The following TENM3 variants were observed in gnomAD, a reference collection of about 807,000 sequenced individuals.
The protein encoded by TENM3 is teneurin-3.
Under a neutral mutation model 255.1 loss-of-function variants are expected in TENM3, and 63 were observed. That is an observed-to-expected ratio of 0.25 (90% confidence interval 0.20 to 0.30). The LOEUF (loss-of-function observed/expected upper bound fraction) is 0.30, where lower values mean the gene tolerates loss of function less well. Among genes scored for constraint, TENM3 ranks in the 10% least tolerant of loss-of-function variants. The pLI is 1.00. For synonymous variants in TENM3, 1,306 were observed against 1,322.3 expected (o/e 0.99, Z 0.27); for missense variants, 2,929 against 3,461.1 (o/e 0.85, Z 3.86).
the TENM3 span, among the ~76,000 whole-genome samples, chr4:181,998,786 C>G: frequency 7.2e-5 from 11 of 152,242 alleles, no homozygotes; most frequent in Admixed American, 4.6e-4. Flanking sequence ...TATGACAAAG[C>G]CTTGGGCCCC....
intron 3 of TENM3, among the ~76,000 whole-genome samples, chr4:182,355,257 C>T (rs758171056): frequency 1.2e-4 from 18 of 152,154 alleles, no homozygotes; most frequent in Admixed American, 3.9e-4. Context: ...GGGGATGCTC[C>T]AAAAGCCACA....
At chr4:181,553,299 AGTGTGTGTG>A in the TENM3 span, among the ~76,000 whole-genome samples, 5,081 of 86,090 alleles carry the variant, frequency 0.059, 224 homozygotes, top group African/African-American at 0.16. Context: ...GTGTGTGTGT[AGTGTGTGTG>A]TATGTGTATG....
the TENM3 span, among the ~76,000 whole-genome samples, chr4:181,890,079 A>G: frequency 6.6e-6 from 1 of 152,222 alleles, no homozygotes; most frequent in African/African-American, 2.4e-5. Flanking sequence ...TGTTTAAATT[A>G]GAGTTTCTGT....
chr4:181,522,100 CAAAAAAAAAAAAAAAAAA>C, the TENM3 span, among the ~76,000 whole-genome samples: 1 of 54,728 alleles, frequency 1.8e-5, no homozygotes, highest in African/African-American at 7.9e-5. Context: ...GACTCCGTCT[CAAAAAAAAAAAAAAAAAA>C]AAAAAAAAAA....
chr4:182,752,905 A>C (rs1157881675), intron 20 of TENM3, among the ~76,000 whole-genome samples: 1 of 151,812 alleles, frequency 6.6e-6, no homozygotes, highest in South Asian at 2.1e-4. Flanking sequence ...ATATACTCAC[A>C]GGAGATTCTG....
intron 3 of TENM3, among the ~76,000 whole-genome samples, chr4:182,567,168 C>CT (rs963091915): frequency 2.0e-5 from 3 of 152,026 alleles, no homozygotes; most frequent in Non-Finnish European, 4.4e-5. Flanking sequence ...ATTTGTTTAC[C>CT]TTTTTTGTGA....
chr4:182,774,805 G>A (rs1764543033), intron 23 of TENM3, 113 bp from the exon 24 acceptor site: 1 of 680,080 alleles, frequency 1.5e-6, no homozygotes, highest in East Asian at 2.7e-5. Flanking sequence ...ACATCATCAG[G>A]TACTCCTTAT....
the TENM3 span, among the ~76,000 whole-genome samples, chr4:181,768,346 C>T: frequency 2.0e-5 from 3 of 152,116 alleles, no homozygotes; most frequent in Non-Finnish European, 4.4e-5. Context: ...GACAGCTCCT[C>T]GCAGCAAATT....
At chr4:182,667,962 C>CATTA (rs34308155) in intron 6 of TENM3, among the ~76,000 whole-genome samples, 44,547 of 150,738 alleles carry the variant, frequency 0.3, 7,099 homozygotes, top group South Asian at 0.44. Flanking sequence ...TACATAAATA[C>CATTA]ATTAATTAAT....
At chr4:182,221,191 C>A (rs886788084) in intron 1 of TENM3, among the ~76,000 whole-genome samples, 1 of 152,190 alleles carries the variant, frequency 6.6e-6, no homozygotes, top group Non-Finnish European at 1.5e-5. Flanking sequence ...AGACACCGTG[C>A]CTTTGTTACA....
At chr4:182,160,066 G>GCA (rs1561150006) in intron 1 of TENM3, among the ~76,000 whole-genome samples, 1 of 147,686 alleles carries the variant, frequency 6.8e-6, no homozygotes, top group Non-Finnish European at 1.5e-5. Flanking sequence ...GCAGCGGTGC[G>GCA]ATCTCGGCTC....
chr4:182,482,325 A>T (rs1405224426), intron 3 of TENM3, among the ~76,000 whole-genome samples: 5 of 152,174 alleles, frequency 3.3e-5, no homozygotes, highest in African/African-American at 1.2e-4. Context: ...CTAGTTATTA[A>T]TATGCTTATA....
chr4:182,169,080 C>CACAT (rs35896361), intron 1 of TENM3, among the ~76,000 whole-genome samples: 34,093 of 151,312 alleles, frequency 0.23, 3,983 homozygotes, highest in Admixed American at 0.33. Context: ...GCCATACACA[C>CACAT]ACACACACAC....
At chr4:182,084,829 C>T in the TENM3 span, 1 of 152,116 alleles carries the variant, frequency 6.6e-6, no homozygotes, top group Non-Finnish European at 1.5e-5. Flanking sequence ...ATGTATAAAT[C>T]ACAAGGCATT....
At chr4:181,526,482 G>C in the TENM3 span, among the ~76,000 whole-genome samples, 10 of 152,276 alleles carry the variant, frequency 6.6e-5, no homozygotes, top group African/African-American at 2.2e-4. Context: ...TGATTGAAAT[G>C]TAAAGCTCAG....
chr4:182,421,694 T>C (rs1170566686), intron 3 of TENM3, among the ~76,000 whole-genome samples: 2 of 152,138 alleles, frequency 1.3e-5, no homozygotes, highest in Non-Finnish European at 2.9e-5. Context: ...TATTTTTATA[T>C]GTATTAAGGT....
At chr4:182,088,209 T>C in the TENM3 span, among the ~76,000 whole-genome samples, 80 of 152,336 alleles carry the variant, frequency 5.3e-4, no homozygotes, top group Admixed American at 8.5e-4. Context: ...TTAAATCTTA[T>C]ATTTACAAAT....
the TENM3 span, among the ~76,000 whole-genome samples, chr4:181,842,945 C>T: frequency 6.6e-6 from 1 of 152,148 alleles, no homozygotes; most frequent in African/African-American, 2.4e-5. Flanking sequence ...TTTTTACTTA[C>T]TCTGTATCCC....
chr4:181,818,430 G>T, the TENM3 span, among the ~76,000 whole-genome samples: 1 of 152,082 alleles, frequency 6.6e-6, no homozygotes, highest in Non-Finnish European at 1.5e-5. Flanking sequence ...TTCTCTTCCT[G>T]ACGGCCCGCC....
Sources: allele counts gnomAD v4.1 joint callset (sites outside exome capture counted in the v4.1 genomes callset), GRCh38; gene constraint gnomAD v4.1.1; transcripts MANE v1.5; gene names NCBI Gene and HGNC (gene_info 2026-07-23, HGNC 2026-07-21).